FOXN2: variants seen among roughly 807,000 people sequenced by gnomAD.
FOXN2 encodes the protein forkhead box N2, also known as forkhead box protein N2.
Under a neutral mutation model 41.2 loss-of-function variants are expected in FOXN2, and 19 were observed. The ratio of observed to expected loss-of-function variants is 0.46; its 90% CI spans 0.32 to 0.68. FOXN2 has a LOEUF of 0.68. Among genes scored for constraint, FOXN2 ranks in the 30% least tolerant of loss-of-function variants. The pLI is 0.03. For missense variants in FOXN2, 587 were observed against 509.4 expected (o/e 1.15, Z -1.47); for synonymous variants, 195 against 176.8 (o/e 1.10, Z -0.82).
At chr2:48,374,135 A>T (rs979834109) in intron 6 of FOXN2, among the ~76,000 whole-genome samples, 64 of 152,222 alleles carry the variant, frequency 4.2e-4, no homozygotes, top group African/African-American at 1.5e-3. Context: ...TGCTGGAGAC[A>T]TGTTTTTTCC....
chr2:48,332,835 G>C (rs1670098879), intron 2 of FOXN2, among the ~76,000 whole-genome samples: 2 of 152,104 alleles, frequency 1.3e-5, no homozygotes, highest in African/African-American at 4.8e-5. Flanking sequence ...AAAGTAGGTA[G>C]TATTATAATT....
Position 48,355,219 on chromosome 2 carries a change from A to G in FOXN2, c.538-3828A>G, listed in dbSNP as rs181547309. ...GGTCACATCTATAATTTTTAAATGT[A>G]TACATTTTTAATGTAATTAATCTGA... On this transcript the variant is annotated intron_variant, in intron 3 of 6. Coordinates refer to ENST00000340553, the MANE Select transcript of FOXN2 (RefSeq NM_002158.4). 3.3e-3 allele frequency among the ~76,000 whole-genome samples: 498 copies of G among 152,328 alleles called. 5 individuals carry two copies. Among genetic ancestry groups the G allele is most frequent in the African/African-American group, 0.011 (470 of 41,570 alleles).
intron 1 of FOXN2, among the ~76,000 whole-genome samples, chr2:48,315,059 C>T (rs544965703): frequency 4.7e-4 from 72 of 152,076 alleles, no homozygotes; most frequent in Non-Finnish European, 7.5e-4. Flanking sequence ...GGGAGTGTGG[C>T]TTGTGAGGAG....
intron 2 of FOXN2, among the ~76,000 whole-genome samples, chr2:48,341,020 TATACTCCTAAAA>T (rs1670730807): frequency 6.6e-6 from 1 of 152,348 alleles, no homozygotes; most frequent in Admixed American, 6.5e-5. Flanking sequence ...TTAAGCTAGT[TATACTCCTAAAA>T]ATTAGAATAC....
intron 3 of FOXN2, among the ~76,000 whole-genome samples, chr2:48,353,683 C>A (rs1158998871): frequency 6.6e-6 from 1 of 151,498 alleles, no homozygotes; most frequent in African/African-American, 2.4e-5. Context: ...ATGCATAATT[C>A]TCTTTAATTG....
At chr2:48,319,324 T>G (rs1326691269) in intron 1 of FOXN2, among the ~76,000 whole-genome samples, 2 of 151,896 alleles carry the variant, frequency 1.3e-5, no homozygotes, top group East Asian at 1.9e-4. Context: ...ATAATAAACG[T>G]TTTTGGAGGG....
chr2:48,364,466 G>A (rs1304501256), intron 5 of FOXN2, among the ~76,000 whole-genome samples: 3 of 152,034 alleles, frequency 2.0e-5, no homozygotes, highest in Non-Finnish European at 2.9e-5. Flanking sequence ...ACACTTGCAT[G>A]CGTGTATGTA....
intron 2 of FOXN2, among the ~76,000 whole-genome samples, chr2:48,341,726 G>A (rs62137002): frequency 0.44 from 66,947 of 152,014 alleles, 14,991 homozygotes; most frequent in East Asian, 0.53. Flanking sequence ...ATTGTGTACC[G>A]TACTGTCTTT....
intron 2 of FOXN2, among the ~76,000 whole-genome samples, chr2:48,345,545 G>A (rs1222767038): frequency 6.6e-6 from 1 of 152,184 alleles, no homozygotes; most frequent in East Asian, 1.9e-4. Flanking sequence ...ATATTAATTA[G>A]CCTGATCTAA....
intron 2 of FOXN2, among the ~76,000 whole-genome samples, chr2:48,330,182 C>CT (rs1342304428): frequency 6.6e-6 from 1 of 151,996 alleles, no homozygotes; most frequent in East Asian, 1.9e-4. Flanking sequence ...GCTGATAATA[C>CT]TTTTGAATAA....
At chr2:48,348,241 C>G (rs1369585532) in intron 3 of FOXN2, among the ~76,000 whole-genome samples, 1 of 152,074 alleles carries the variant, frequency 6.6e-6, no homozygotes, top group Non-Finnish European at 1.5e-5. Flanking sequence ...CTTTCCTCCA[C>G]TCTTTCTCTC....
At chr2:48,358,214 A>G (rs750682711) in intron 3 of FOXN2, among the ~76,000 whole-genome samples, 22 of 152,072 alleles carry the variant, frequency 1.4e-4, no homozygotes, top group Admixed American at 3.3e-4. Flanking sequence ...GTGGAAAGTA[A>G]AGGAGTAGGA....
At chr2:48,317,807 C>T (rs1327805274) in intron 1 of FOXN2, among the ~76,000 whole-genome samples, 1 of 151,508 alleles carries the variant, frequency 6.6e-6, no homozygotes, top group Non-Finnish European at 1.5e-5. Context: ...GGAGTTTTAC[C>T]ATGTTGGCCA....
At position 48,377,325 on chromosome 2, in the gene FOXN2, G is replaced by C. The variant is rs1480559713; in HGVS notation, c.*1882G>C. 1 of 151,764 alleles carries C rather than the reference G, an allele frequency of 6.6e-6. No individual in the cohort carries two copies. The highest frequency in any genetic ancestry group is 1.5e-5 in the Non-Finnish European group (1 of 67,856). 9.4% of individuals were successfully genotyped at this position (151,764 alleles called of 1,614,324 possible). A position where few individuals can be genotyped will look rare whatever the true frequency, so the allele number is the denominator to read the frequency against. ...AAAACCCAAAAATGCTTTAACCACA[G>C]TATAAATAATAGATTATACACATCA... On this transcript the variant is annotated 3_prime_UTR_variant, in exon 7 of 7. Coordinates refer to ENST00000340553, the MANE Select transcript of FOXN2 (RefSeq NM_002158.4).
intron 3 of FOXN2, among the ~76,000 whole-genome samples, chr2:48,350,116 A>G (rs1008569851): frequency 5.9e-5 from 9 of 151,866 alleles, no homozygotes; most frequent in Non-Finnish European, 1.5e-5. Flanking sequence ...AGATAGACCT[A>G]GAGCTGCATT....
At chr2:48,317,570 A>G (rs531253767) in intron 1 of FOXN2, among the ~76,000 whole-genome samples, 2 of 138,816 alleles carry the variant, frequency 1.4e-5, no homozygotes, top group South Asian at 4.7e-4. Flanking sequence ...ACAGATGTGT[A>G]CAATGCCTAT....
At chr2:48,359,859 T>G (rs1672058872) in intron 4 of FOXN2, among the ~76,000 whole-genome samples, 1 of 152,092 alleles carries the variant, frequency 6.6e-6, no homozygotes, top group African/African-American at 2.4e-5. Flanking sequence ...TGAAGGAAAT[T>G]AAAAATACAT....
intron 1 of FOXN2, among the ~76,000 whole-genome samples, chr2:48,319,962 G>T (rs1216312053): frequency 6.6e-6 from 1 of 151,382 alleles, no homozygotes; most frequent in African/African-American, 2.4e-5. Flanking sequence ...CATTATACAG[G>T]GTTAGTGTGG....
chr2:48,368,702 A>G (rs1672692032), intron 5 of FOXN2, among the ~76,000 whole-genome samples: 1 of 152,176 alleles, frequency 6.6e-6, no homozygotes, highest in Non-Finnish European at 1.5e-5. Flanking sequence ...TAAATAACGA[A>G]CGAATCAACG....
Sources: allele counts gnomAD v4.1 joint callset (sites outside exome capture counted in the v4.1 genomes callset), GRCh38; gene constraint gnomAD v4.1.1; transcripts MANE v1.5; gene names NCBI Gene and HGNC (gene_info 2026-07-23, HGNC 2026-07-21).